C8orf34: variants seen among roughly 807,000 people sequenced by gnomAD.
The protein encoded by C8orf34 is chromosome 8 open reading frame 34.
Under a neutral mutation model 68.3 loss-of-function variants are expected in C8orf34, and 65 were observed. The ratio of observed to expected loss-of-function variants is 0.95; its 90% confidence interval spans 0.78 to 1.17. C8orf34 has a LOEUF of 1.17. Ranked by LOEUF, C8orf34 falls within the 50% of genes most tolerant of loss-of-function variation. The pLI is 0.00. For missense variants in C8orf34, 664 were observed against 655.4 expected, an observed-to-expected ratio of 1.01 and a Z score of -0.14; for synonymous variants, 244 against 241.2, an observed-to-expected ratio of 1.01 and a Z score of -0.11.
intron 8 of C8orf34, among the ~76,000 whole-genome samples, chr8:68,692,621 T>A (rs1376150567): frequency 6.6e-6 from 1 of 152,044 alleles, no homozygotes; most frequent in African/African-American, 2.4e-5. Context: ...AAATGACAGG[T>A]AAAGGCTCAT....
rs537627719 is a variant in C8orf34, at chr8:68,408,551, T to C, written c.328-30948T>C. 5.5e-4 allele frequency among the ~76,000 whole-genome samples: 83 copies of C among 152,256 alleles called. 2 individuals carry two copies. In the South Asian group the frequency reaches 0.01, roughly 19 times the overall value. On this transcript the variant is annotated intron_variant, in intron 1 of 13. Coordinates refer to ENST00000518698, the MANE Select transcript of C8orf34 (RefSeq NM_052958.4). The stretch of plus-strand genomic sequence containing the variant: ...TATGTTTTTCTTGGCTCAGGTGTTC[T>C]TTTTGTTTATACACTCATACAACTT...
intron 7 of C8orf34, among the ~76,000 whole-genome samples, chr8:68,633,670 A>G (rs748923890): frequency 1.4e-4 from 21 of 152,120 alleles, no homozygotes; most frequent in Non-Finnish European, 2.6e-4. Flanking sequence ...GCAACCAAAG[A>G]TGGTATATCT....
rs138508863 is a variant in C8orf34 at position 68,770,214 on chromosome 8, G to T, written c.1405-6185G>T. On this transcript the variant is annotated intron_variant, in intron 10 of 13. Transcript: ENST00000518698. ...TATGTCATATAAAACACAACCCTCT[G>T]GTTCTATTGTCAATACCTCATAGCT... 8.0e-3 allele frequency among the ~76,000 whole-genome samples: 1,221 copies of T among 152,180 alleles called. 19 individuals are homozygous for T. The highest frequency in any genetic ancestry group is 0.028 in the African/African-American group (1,177 of 41,530).
chr8:68,557,369 C>A (rs529125444), intron 7 of C8orf34, among the ~76,000 whole-genome samples: 1 of 152,088 alleles, frequency 6.6e-6, no homozygotes, highest in East Asian at 1.9e-4. Context: ...AAACTTGAGC[C>A]CCAAAAGCTT....
chr8:68,685,307 A>T (rs745946537), intron 8 of C8orf34, among the ~76,000 whole-genome samples: 1 of 152,130 alleles, frequency 6.6e-6, no homozygotes, highest in Non-Finnish European at 1.5e-5. Flanking sequence ...TAACTTCTCA[A>T]AGTGAAATGA....
At chr8:68,543,042 A>G (rs1035631508) in intron 7 of C8orf34, among the ~76,000 whole-genome samples, 12 of 152,170 alleles carry the variant, frequency 7.9e-5, no homozygotes, top group African/African-American at 2.9e-4. Flanking sequence ...AAAGAAAACC[A>G]AGTGAGAAAA....
chr8:68,759,691 T>G (rs1822971442), intron 10 of C8orf34, among the ~76,000 whole-genome samples: 1 of 152,376 alleles, frequency 6.6e-6, no homozygotes, highest in South Asian at 2.1e-4. Context: ...TCTGACTACC[T>G]TTCAGATTAT....
intron 8 of C8orf34, among the ~76,000 whole-genome samples, chr8:68,654,410 TTA>T (rs1221673079): frequency 1.3e-5 from 2 of 152,200 alleles, no homozygotes; most frequent in African/African-American, 4.8e-5. Flanking sequence ...GCTTCATTTT[TTA>T]TCTTTTTCTG....
At chr8:68,745,361 C>A (rs1458784141) in intron 10 of C8orf34, among the ~76,000 whole-genome samples, 1 of 151,786 alleles carries the variant, frequency 6.6e-6, no homozygotes, top group East Asian at 1.9e-4. Flanking sequence ...ATCATAATGA[C>A]AGGATCAAAT....
In C8orf34 at chr8:68,330,972, G is replaced by C. The variant is rs745607227; in HGVS notation, c.-41G>C. On this transcript the variant is annotated 5_prime_UTR_variant, in exon 1 of 14. Coordinates refer to ENST00000518698, the MANE Select transcript of C8orf34 (RefSeq NM_052958.4). ...ATTTCCCCACTGCGCCGGGCGCTGC[G>C]GAGAGCGGCGAGGGTGGGCGCGAGG... 22 of 1,337,590 alleles carry C rather than the reference G, an allele frequency of 1.6e-5. No homozygotes were observed. The highest frequency in any genetic ancestry group is 1.9e-5 in the Non-Finnish European group (20 of 1,039,292). 82.9% of individuals were successfully genotyped at this position (1,337,590 alleles called of 1,614,324 possible). A position where few individuals can be genotyped will look rare whatever the true frequency, so the allele number is the denominator to read the frequency against.
Position 68,420,594 on chromosome 8 carries a change from T to A in C8orf34, c.328-18905T>A, listed in dbSNP as rs557947689. On this transcript the variant is annotated intron_variant, in intron 1 of 13. Coordinates refer to ENST00000518698, the MANE Select transcript of C8orf34 (RefSeq NM_052958.4). ...CATCAAGAGAAGCCAGTAGAAATAA[T>A]AAACAATAGAATTAAACAAGGACAG... Among the ~76,000 whole-genome samples the A allele has an allele frequency of 7.8e-4, 118 of 151,914 alleles. 1 individual carries two copies. The highest frequency in any genetic ancestry group is 2.8e-3 in the African/African-American group (117 of 41,458).
At chr8:68,813,518 T>C (rs2129530044) in intron 12 of C8orf34, among the ~76,000 whole-genome samples, 1 of 152,282 alleles carries the variant, frequency 6.6e-6, no homozygotes, top group African/African-American at 2.4e-5. Context: ...ATTGGCAAAT[T>C]GATTGTTCTT....
At chr8:68,605,030 T>C (rs1817814421) in intron 7 of C8orf34, among the ~76,000 whole-genome samples, 1 of 151,992 alleles carries the variant, frequency 6.6e-6, no homozygotes. Flanking sequence ...AAGGATCCAA[T>C]TAAAAATTGG....
chr8:68,406,930 A>G (rs1433261004), intron 1 of C8orf34, among the ~76,000 whole-genome samples: 1 of 152,164 alleles, frequency 6.6e-6, no homozygotes, highest in African/African-American at 2.4e-5. Context: ...TGTGCTCTGC[A>G]TGGCTCACAG....
intron 10 of C8orf34, among the ~76,000 whole-genome samples, chr8:68,760,179 CCA>C (rs985175723): frequency 1.2e-4 from 18 of 152,090 alleles, no homozygotes; most frequent in African/African-American, 4.3e-4. Context: ...CGGAGGCCAC[CCA>C]CAGGTCAGCA....
chr8:68,575,963 T>G (rs1178837471), intron 7 of C8orf34, among the ~76,000 whole-genome samples: 2 of 148,848 alleles, frequency 1.3e-5, no homozygotes, highest in East Asian at 2.0e-4. Context: ...GTTGTTTTTT[T>G]TTTTTTTTTT....
chr8:68,761,217 C>T (rs1027554802), intron 10 of C8orf34, among the ~76,000 whole-genome samples: 1 of 152,190 alleles, frequency 6.6e-6, no homozygotes, highest in Non-Finnish European at 1.5e-5. Flanking sequence ...CAATCTGCCT[C>T]AATGTGGTGG....
At chr8:68,558,842 G>A (rs912598670) in intron 7 of C8orf34, among the ~76,000 whole-genome samples, 2 of 152,028 alleles carry the variant, frequency 1.3e-5, no homozygotes, top group African/African-American at 4.8e-5. Flanking sequence ...TACCCAAATA[G>A]TAGAGAAAAA....
At chr8:68,572,791 G>C (rs1343324799) in intron 7 of C8orf34, among the ~76,000 whole-genome samples, 1 of 152,084 alleles carries the variant, frequency 6.6e-6, no homozygotes, top group Non-Finnish European at 1.5e-5. Flanking sequence ...AGCAGGATTG[G>C]AGTGTGATGG....
Sources: allele counts gnomAD v4.1 joint callset (sites outside exome capture counted in the v4.1 genomes callset), GRCh38; gene constraint gnomAD v4.1.1; transcripts MANE v1.5; gene names NCBI Gene and HGNC (gene_info 2026-07-23, HGNC 2026-07-21).